Variants in TMPRSS9 observed in about 807,000 individuals in gnomAD.
TMPRSS9 encodes transmembrane serine protease 9, also known as transmembrane protease serine 9.
Under a neutral mutation model 111.4 loss-of-function variants are expected in TMPRSS9, and 113 were observed. The observed-to-expected ratio is 1.01, with a 90% CI of 0.87 to 1.19. The LOEUF is 1.19. Among genes scored for constraint, TMPRSS9 ranks in the 50% most tolerant of loss-of-function variants. The pLI, the probability that TMPRSS9 is intolerant of heterozygous loss-of-function variation, is 0.00. For missense variants in TMPRSS9, 1,803 were observed against 1,513.1 expected (o/e 1.19, Z -3.18); for synonymous variants, 805 against 659.1 (o/e 1.22, Z -3.39).
chr19:2,367,640 TG>T (rs1024520301), intron 1 of TMPRSS9, among the ~76,000 whole-genome samples: 5 of 150,684 alleles, frequency 3.3e-5, no homozygotes, highest in African/African-American at 1.2e-4. Flanking sequence ...CTCAGCTCAC[TG>T]CAAGTTCTGC....
At chr19:2,404,571 A>T (rs1450309925) in intron 6 of TMPRSS9, among the ~76,000 whole-genome samples, 1 of 151,694 alleles carries the variant, frequency 6.6e-6, no homozygotes, top group Non-Finnish European at 1.5e-5. Flanking sequence ...ATTTTGCTTT[A>T]TACAGTAATA....
intron 1 of TMPRSS9, among the ~76,000 whole-genome samples, chr19:2,366,583 T>A (rs909538373): frequency 2.1e-4 from 31 of 149,386 alleles, no homozygotes; most frequent in African/African-American, 7.7e-4. Flanking sequence ...AGGGGCTGGG[T>A]GCGGTGGCTC....
At chr19:2,393,991 A>C (rs149890456) in intron 1 of TMPRSS9, among the ~76,000 whole-genome samples, 1 of 151,570 alleles carries the variant, frequency 6.6e-6, no homozygotes, top group East Asian at 1.9e-4. Flanking sequence ...TCATGAGGTC[A>C]GGAGATTGAA....
At chr19:2,385,781 G>A (rs1970464073), upstream of TMPRSS9, among the ~76,000 whole-genome samples, 1 of 152,054 alleles carries the variant, frequency 6.6e-6, no homozygotes, top group African/African-American at 2.4e-5. Flanking sequence ...AGCCTGCGAG[G>A]TAGAGGCTGC....
At chr19:2,362,891 T>A (rs1337953420) in intron 1 of TMPRSS9, among the ~76,000 whole-genome samples, 1 of 151,570 alleles carries the variant, frequency 6.6e-6, no homozygotes, top group African/African-American at 2.4e-5. Flanking sequence ...TGGTTGTGTT[T>A]GGTTGTGTGA....
At chr19:2,362,667 A>C (rs1970210399) in intron 1 of TMPRSS9, among the ~76,000 whole-genome samples, 1 of 152,020 alleles carries the variant, frequency 6.6e-6, no homozygotes, top group African/African-American at 2.4e-5. Flanking sequence ...GTATCAGTGT[A>C]TGACTATATG....
Position 2,418,415 on chromosome 19 carries a change from TTCCCTCCCTC to T in TMPRSS9, c.2154+278_2154+287del, listed in dbSNP as rs1971335791. 5.8e-5 allele frequency among the ~76,000 whole-genome samples: 2 copies of T among 34,520 alleles called. 1 individual carries two copies. Among genetic ancestry groups the T allele is most frequent in the African/African-American group, 3.1e-4 (2 of 6,400 alleles). The allele number at this position is 34,520 out of a possible 152,430, so 22.6% of individuals were successfully genotyped here. A position where few individuals can be genotyped will look rare whatever the true frequency, so the allele number is the denominator to read the frequency against. On this transcript the variant is annotated intron_variant, in intron 13 of 17. Coordinates refer to ENST00000648592, the Ensembl canonical transcript of TMPRSS9. ...CCTCCCTGGCCTTTCCTTCCATTCC[TTCCCTCCCTC>T]CCTTTCCTTCCCTCCCTCCCCTTCC...
At chr19:2,392,725 C>T (rs981305945) in intron 1 of TMPRSS9, among the ~76,000 whole-genome samples, 1 of 152,138 alleles carries the variant, frequency 6.6e-6, no homozygotes, top group Non-Finnish European at 1.5e-5. Flanking sequence ...TGTAAATGCA[C>T]CAATAAGCAC....
At chr19:2,398,956 C>T in intron 3 of TMPRSS9, 62 bp from the exon 5 acceptor site, 2 of 1,557,456 alleles carry the variant, frequency 1.3e-6, no homozygotes, top group Non-Finnish European at 1.7e-6. Context: ...CTAGAAGATT[C>T]CAGAAGATTC....
At chr19:2,398,030 C>T (rs905518126) in intron 2 of TMPRSS9, among the ~76,000 whole-genome samples, 14 of 147,646 alleles carry the variant, frequency 9.5e-5, no homozygotes, top group African/African-American at 2.2e-4. Context: ...AGTGCAGGCA[C>T]ACACCACCAT....
intron 5 of TMPRSS9, among the ~76,000 whole-genome samples, chr19:2,402,353 G>A (rs960333045): frequency 7.2e-5 from 11 of 152,048 alleles, no homozygotes; most frequent in African/African-American, 2.7e-4. Context: ...GAGGAAGGAG[G>A]ATCGCTTGAA....
chr19:2,424,037 C>T lies in TMPRSS9; in HGVS notation c.2549-52C>T, dbSNP rs936640552. The T allele has an allele frequency of 2.2e-5, 28 of 1,246,934 alleles. No individual in the cohort carries two copies. In the African/African-American group the frequency reaches 3.0e-4, roughly 13 times the overall value. 77.2% of individuals were successfully genotyped at this position (1,246,934 alleles called of 1,614,324 possible). ...GAGAGGCGGCGCCCAGGGGGGCCTTCGTGGAGGAGGTGCCCTGGGTCCGCC... is the reference window on the plus strand; with the variant it reads ...GAGAGGCGGCGCCCAGGGGGGCCTTTGTGGAGGAGGTGCCCTGGGTCCGCC... On this transcript the variant is annotated intron_variant, in intron 14 of 17. Transcript: ENST00000648592.
chr19:2,393,479 C>T (rs1466299256), intron 1 of TMPRSS9, among the ~76,000 whole-genome samples: 3 of 152,152 alleles, frequency 2.0e-5, no homozygotes, highest in African/African-American at 4.8e-5. Context: ...CCGGACACAC[C>T]ATCTTTAAGA....
At chr19:2,361,495 T>C (rs941057059) in intron 1 of TMPRSS9, among the ~76,000 whole-genome samples, 10 of 151,808 alleles carry the variant, frequency 6.6e-5, no homozygotes, top group African/African-American at 2.4e-4. Context: ...GATGTAACAA[T>C]TGGAGGTGGG....
At chr19:2,415,440 G>A (rs552371832) in intron 10 of TMPRSS9, among the ~76,000 whole-genome samples, 4 of 152,056 alleles carry the variant, frequency 2.6e-5, no homozygotes, top group African/African-American at 4.8e-5. Context: ...TGACTGGGCC[G>A]CTGTATGTTT....
At chr19:2,379,936 A>G (rs536887959) in intron 1 of TMPRSS9, among the ~76,000 whole-genome samples, 1 of 151,730 alleles carries the variant, frequency 6.6e-6, no homozygotes, top group East Asian at 2.0e-4. Context: ...TTTTATAGAG[A>G]TGGGGTCTTA....
At chr19:2,370,979 T>C (rs1599275037) in intron 1 of TMPRSS9, among the ~76,000 whole-genome samples, 1 of 152,032 alleles carries the variant, frequency 6.6e-6, no homozygotes. Flanking sequence ...AAAAAATGCA[T>C]GACAATATTA....
intron 1 of TMPRSS9, among the ~76,000 whole-genome samples, chr19:2,367,475 A>G (rs1244352494): frequency 6.6e-6 from 1 of 151,908 alleles, no homozygotes; most frequent in Non-Finnish European, 1.5e-5. Flanking sequence ...GCTCCCTGCA[A>G]CCTCTGCCTC....
chr19:2,395,512 A>AG, intron 1 of TMPRSS9, among the ~76,000 whole-genome samples: 1 of 152,066 alleles, frequency 6.6e-6, no homozygotes, highest in Middle Eastern at 3.4e-3. Flanking sequence ...GGATCATCTG[A>AG]GGTCGGGAGT....
Sources: gnomAD v4.1 joint callset for allele counts (sites outside exome capture counted in the v4.1 genomes callset) on GRCh38, gnomAD v4.1.1 for gene constraint, MANE v1.5 for transcripts, NCBI Gene and HGNC (gene_info 2026-07-23, HGNC 2026-07-21) for gene names.